TJP1: variants seen among roughly 807,000 people sequenced by gnomAD.
TJP1 encodes the protein tight junction protein 1, also known as tight junction protein ZO-1.
TJP1 carries 43 observed loss-of-function variants against 194.2 expected under a neutral mutation model. The ratio of observed to expected loss-of-function variants is 0.22; its 90% CI spans 0.17 to 0.29. The LOEUF (loss-of-function observed/expected upper bound fraction) is 0.29. Among genes scored for constraint, TJP1 ranks in the 10% least tolerant of loss-of-function variants. The pLI is 1.00. For missense variants in TJP1, 1,971 were observed against 2,185.7 expected, an observed-to-expected ratio of 0.90 and a Z score of 1.96; for synonymous variants, 801 against 779.0, an observed-to-expected ratio of 1.03 and a Z score of -0.47.
chr15:29,961,660 C>T (rs1053076369), intron 1 of TJP1, among the ~76,000 whole-genome samples: 5 of 152,130 alleles, frequency 3.3e-5, no homozygotes, highest in East Asian at 1.9e-4. Context: ...CTACCCCTAC[C>T]GGATGAACAC....
At chr15:29,929,712 A>G (rs766140061) in intron 2 of TJP1, among the ~76,000 whole-genome samples, 34 of 152,148 alleles carry the variant, frequency 2.2e-4, no homozygotes, top group South Asian at 4.1e-4. Flanking sequence ...AAAATTAAAA[A>G]TAAATAAATA....
chr15:29,847,523 C>T (rs969933450), intron 2 of TJP1, among the ~76,000 whole-genome samples: 13 of 152,276 alleles, frequency 8.5e-5, no homozygotes, highest in South Asian at 2.1e-4. Flanking sequence ...CAGTGGCTCA[C>T]GCCTGTAATC....
rs190027243 is a variant in TJP1, at chr15:29,766,403, C to T, written c.452G>A (p.Ser151Asn). 6.8e-6 allele frequency: 11 copies of T among 1,614,190 alleles called. No individual in the cohort carries two copies. The East Asian group carries it at 2.2e-4, about 33-fold the overall frequency. ...TCTATCCCTCGGCCAAATCTTCTCA[C>T]TCCTTCTGTTAACCACACCACTCCG... ...SGRSGVVNRR[S>N]EKIWPRDRSA... is the part of the protein sequence containing the mutation. The change falls in exon 5 of 28, where the codon AGT becomes AAT. Residue 151 changes from serine (S) to asparagine (N), a missense_variant. Physicochemically the swap from Ser to Asn is conservative, Grantham distance 46. Transcript: ENST00000614355.
chr15:29,949,685 ACCACCACCT>A (rs1312192431), intron 2 of TJP1, among the ~76,000 whole-genome samples: 1 of 87,406 alleles, frequency 1.1e-5, no homozygotes, highest in Non-Finnish European at 2.3e-5. Flanking sequence ...CTCCACCTTC[ACCACCACCT>A]CCACCACCAC....
chr15:29,744,016 T>C lies in TJP1; in HGVS notation c.1011-1235A>G, dbSNP rs555239904. Among the ~76,000 whole-genome samples, 13 of 152,082 alleles carry C rather than the reference T, an allele frequency of 8.5e-5. No individual in the cohort carries two copies. The East Asian group carries it at 2.5e-3, about 29-fold the overall frequency. On this transcript the variant is annotated intron_variant, in intron 8 of 27. Transcript: ENST00000614355. The stretch of plus-strand genomic sequence containing the variant: ...CAGTAAGGTGAAACCCTGTCTCTAC[T>C]AAAAATACAAAAATTAGCCCGGCGT...
rs1021809454 is a variant in TJP1 at position 29,879,596 on chromosome 15, C to T, written c.306+76636G>A. 7.2e-5 allele frequency among the ~76,000 whole-genome samples: 11 copies of T among 152,316 alleles called. 1 individual carries two copies. Among genetic ancestry groups the T allele is most frequent in the African/African-American group, 2.6e-4 (11 of 41,570 alleles). On this transcript the variant is annotated intron_variant, in intron 2 of 28. Coordinates refer to the TJP1 transcript ENST00000356107. ...GTATTCTAGGAACCATCTACCCTAGCGACAGCAATCCTGTGGTCACCACCA... is the reference window on the plus strand; with the variant it reads ...GTATTCTAGGAACCATCTACCCTAGTGACAGCAATCCTGTGGTCACCACCA...
chr15:29,844,035 G>C (rs527517263), intron 2 of TJP1, among the ~76,000 whole-genome samples: 1 of 152,288 alleles, frequency 6.6e-6, no homozygotes, highest in South Asian at 2.1e-4. Context: ...CAGAGCACCA[G>C]AGTGACTGTT....
At chr15:29,842,078 T>C (rs1487488111) in intron 2 of TJP1, among the ~76,000 whole-genome samples, 1 of 152,140 alleles carries the variant, frequency 6.6e-6, no homozygotes, top group Non-Finnish European at 1.5e-5. Flanking sequence ...AATGATAGCT[T>C]CCAGATACAG....
chr15:29,806,785 C>G (rs1038630228), intron 1 of TJP1, among the ~76,000 whole-genome samples: 24 of 152,036 alleles, frequency 1.6e-4, no homozygotes, highest in Admixed American at 2.6e-4. Context: ...AAATGAAGTA[C>G]AAAGGGAATA....
Position 29,720,718 on chromosome 15 carries a change from ATAAAAG to A in TJP1, c.2413-16_2413-11del. ...TTGTAGCACCATCCGCCTGGGTCAAATAAAAGTAAATTACAAATTTTATTCAGTAGT... is the reference window on the plus strand; with the variant it reads ...TTGTAGCACCATCCGCCTGGGTCAAATAAATTACAAATTTTATTCAGTAGT... On this transcript the variant is annotated splice_polypyrimidine_tract_variant and intron_variant, in intron 18 of 27. Coordinates refer to ENST00000614355, the MANE Select transcript of TJP1 (RefSeq NM_001330239.4). The A allele has an allele frequency of 6.4e-7, 1 of 1,562,418 alleles. No homozygotes were observed. The highest frequency in any genetic ancestry group is 1.2e-5 in the South Asian group (1 of 83,028).
chr15:29,923,364 T>C (rs1258725890), intron 2 of TJP1, among the ~76,000 whole-genome samples: 2 of 151,988 alleles, frequency 1.3e-5, no homozygotes, highest in East Asian at 1.9e-4. Context: ...ATAAAGAAAA[T>C]CAGTGCCACT....
At chr15:29,919,297 G>A (rs1274452495) in intron 2 of TJP1, among the ~76,000 whole-genome samples, 1 of 152,206 alleles carries the variant, frequency 6.6e-6, no homozygotes, top group African/African-American at 2.4e-5. Context: ...GGCCCAGAGG[G>A]CATTAGGTTG....
At chr15:29,863,188 T>C (rs930835466) in intron 2 of TJP1, among the ~76,000 whole-genome samples, 66 of 151,646 alleles carry the variant, frequency 4.4e-4, no homozygotes, top group Middle Eastern at 3.4e-3. Flanking sequence ...CCCAGCCACT[T>C]GGGAGGCTGA....
At chr15:29,746,814 T>C (rs1410064519) in intron 8 of TJP1, among the ~76,000 whole-genome samples, 1 of 152,194 alleles carries the variant, frequency 6.6e-6, no homozygotes, top group Non-Finnish European at 1.5e-5. Context: ...TTGCATAGTT[T>C]CTATTTTTGT....
Position 29,753,658 on chromosome 15 carries a change from G to A in TJP1, c.1010+7481C>T, listed in dbSNP as rs556746755. Among the ~76,000 whole-genome samples, 16 of 151,934 alleles carry A rather than the reference G, an allele frequency of 1.1e-4. No homozygotes were observed. In the South Asian group the frequency reaches 2.7e-3, roughly 26 times the overall value. On this transcript the variant is annotated intron_variant, in intron 8 of 27. Transcript: ENST00000614355. Reference sequence around the variant, plus strand: ...CAGAAGGAACATTCACTGTGGTGCCGCCTGTTGATCACTCAGAACTATGCA... The same window carrying A: ...CAGAAGGAACATTCACTGTGGTGCCACCTGTTGATCACTCAGAACTATGCA...
At chr15:29,797,436 C>T (rs116143307) in intron 2 of TJP1, among the ~76,000 whole-genome samples, 1,925 of 152,082 alleles carry the variant, frequency 0.013, 43 homozygotes, top group African/African-American at 0.045. Flanking sequence ...AGGCTTGAGC[C>T]ACTACACCTG....
At chr15:29,913,339 T>C (rs539607523) in intron 2 of TJP1, among the ~76,000 whole-genome samples, 1 of 152,244 alleles carries the variant, frequency 6.6e-6, no homozygotes, top group Non-Finnish European at 1.5e-5. Context: ...TTGATAAAAA[T>C]ATGGAGGATT....
At chr15:29,722,596 G>A (rs112855059) in intron 18 of TJP1, among the ~76,000 whole-genome samples, 5,418 of 152,298 alleles carry the variant, frequency 0.036, 123 homozygotes, top group Middle Eastern at 0.085. Context: ...CAGTGTGGAG[G>A]GGAAATGTGG....
intron 2 of TJP1, among the ~76,000 whole-genome samples, chr15:29,842,943 C>T (rs2051277350): frequency 6.6e-6 from 1 of 152,120 alleles, no homozygotes; most frequent in South Asian, 2.1e-4. Flanking sequence ...GACAAAATGC[C>T]TATTTCTGTG....
Sources: allele counts gnomAD v4.1 joint callset (sites outside exome capture counted in the v4.1 genomes callset), GRCh38; gene constraint gnomAD v4.1.1; transcripts MANE v1.5; gene names NCBI Gene and HGNC (gene_info 2026-07-23, HGNC 2026-07-21).